The following HNRNPC variants were observed in gnomAD, a reference collection of about 807,000 sequenced individuals.
The protein encoded by HNRNPC is heterogeneous nuclear ribonucleoprotein C.
HNRNPC carries 3 observed loss-of-function variants against 33.2 expected under a neutral mutation model. The ratio of observed to expected loss-of-function variants is 0.09; its 90% CI spans 0.04 to 0.23. The LOEUF (loss-of-function observed/expected upper bound fraction) is 0.23, where lower values mean the gene tolerates loss of function less well. Ranked by LOEUF, HNRNPC falls within the 10% of genes least tolerant of loss-of-function variation. The probability of loss-of-function intolerance (pLI) is 1.00; values close to 1 mark genes in which losing one functional copy is unlikely to be tolerated. For missense variants in HNRNPC, 143 were observed against 366.7 expected, an observed-to-expected ratio of 0.39 and a Z score of 4.98; for synonymous variants, 121 against 126.7, an observed-to-expected ratio of 0.96 and a Z score of 0.30.
rs1282334121 is a variant in HNRNPC, at chr14:21,263,316, C to G, written c.-42G>C. ...AAAAAATTGGAATAACTTACTGTAG[C>G]TGAAGATCAAAAAAATCTCACTGTA... On this transcript the variant is annotated 5_prime_UTR_variant, in exon 2 of 9. Transcript: ENST00000553300. The G allele has an allele frequency of 6.6e-6, 1 of 152,368 alleles. No homozygotes were observed. Among genetic ancestry groups the G allele is most frequent in the Non-Finnish European group, 1.5e-5 (1 of 67,990 alleles). The allele number at this position is 152,368 out of a possible 1,614,324, so 9.4% of individuals were successfully genotyped here.
At chr14:21,256,010 A>G (rs1424462261) in intron 2 of HNRNPC, among the ~76,000 whole-genome samples, 1 of 152,218 alleles carries the variant, frequency 6.6e-6, no homozygotes, top group Non-Finnish European at 1.5e-5. Context: ...TACAGTTAAG[A>G]AGGCCAGTGT....
chr14:21,257,352 G>C (rs1202032300), intron 2 of HNRNPC, among the ~76,000 whole-genome samples: 1 of 151,160 alleles, frequency 6.6e-6, no homozygotes, highest in Non-Finnish European at 1.5e-5. Context: ...ACATGTAACA[G>C]AAACATGTAA....
At chr14:21,230,967 G>T in intron 4 of HNRNPC, 30 bp downstream of exon 4, 1 of 1,613,422 alleles carries the variant, frequency 6.2e-7, no homozygotes, top group Non-Finnish European at 8.5e-7. Flanking sequence ...CCTGAGTAGA[G>T]GGGACGGAGA....
chr14:21,218,880 G>C (rs748220120), intron 5 of HNRNPC, among the ~76,000 whole-genome samples: 3 of 151,780 alleles, frequency 2.0e-5, no homozygotes, highest in Admixed American at 2.0e-4. Flanking sequence ...GGGAGGCCGA[G>C]GAGGGCAGAT....
At chr14:21,220,444 G>A (rs550172145) in intron 5 of HNRNPC, among the ~76,000 whole-genome samples, 14 of 152,188 alleles carry the variant, frequency 9.2e-5, no homozygotes, top group South Asian at 6.2e-4. Flanking sequence ...AGCCAGGCTG[G>A]TCTTGAACTC....
chr14:21,261,153 A>C (rs1401098056), intron 2 of HNRNPC, among the ~76,000 whole-genome samples: 1 of 152,046 alleles, frequency 6.6e-6, no homozygotes, highest in Non-Finnish European at 1.5e-5. Flanking sequence ...GCATGCTTCT[A>C]TAGGATATGT....
At chr14:21,246,428 T>C (rs1173359778) in intron 2 of HNRNPC, among the ~76,000 whole-genome samples, 1 of 151,810 alleles carries the variant, frequency 6.6e-6, no homozygotes, top group Non-Finnish European at 1.5e-5. Context: ...TAGCCGGGCG[T>C]GTTGGCGGGT....
chr14:21,257,884 T>C (rs886617783), intron 2 of HNRNPC, among the ~76,000 whole-genome samples: 2 of 152,182 alleles, frequency 1.3e-5, no homozygotes, highest in Admixed American at 6.5e-5. Flanking sequence ...TAAAATGTGC[T>C]TGCTTCCCTA....
chr14:21,215,975 G>A (rs1244238251), intron 5 of HNRNPC, among the ~76,000 whole-genome samples: 1 of 151,240 alleles, frequency 6.6e-6, no homozygotes, highest in Non-Finnish European at 1.5e-5. Flanking sequence ...CACACCAGCT[G>A]GATGCAGTGG....
chr14:21,214,148 A>C (rs1039277051), intron 5 of HNRNPC, among the ~76,000 whole-genome samples: 4 of 152,212 alleles, frequency 2.6e-5, no homozygotes, highest in African/African-American at 9.6e-5. Flanking sequence ...AATGCAACTA[A>C]CTTAATGCAA....
intron 2 of HNRNPC, among the ~76,000 whole-genome samples, chr14:21,248,518 T>C (rs981743063): frequency 2.0e-5 from 3 of 152,162 alleles, no homozygotes; most frequent in Non-Finnish European, 4.4e-5. Context: ...CTGGAAAAGA[T>C]GGTAACTGGC....
At chr14:21,261,796 C>T (rs1362021013) in intron 2 of HNRNPC, among the ~76,000 whole-genome samples, 1 of 152,186 alleles carries the variant, frequency 6.6e-6, no homozygotes, top group Non-Finnish European at 1.5e-5. Flanking sequence ...ATCAGAGCAA[C>T]TCTAAAATGG....
chr14:21,215,332 A>G (rs777145077), intron 5 of HNRNPC, among the ~76,000 whole-genome samples: 1 of 152,212 alleles, frequency 6.6e-6, no homozygotes, highest in African/African-American at 2.4e-5. Context: ...AAAGGGATAT[A>G]TATTAAGAAG....
Position 21,209,562 on chromosome 14 carries a change from A to G in HNRNPC, c.*1661T>C, listed in dbSNP as rs763185883. 22 of 152,200 alleles carry G rather than the reference A, an allele frequency of 1.4e-4. No individual in the cohort carries two copies. Among genetic ancestry groups the G allele is most frequent in the Non-Finnish European group, 2.4e-4 (16 of 68,030 alleles). The allele number at this position is 152,200 out of a possible 1,614,324, so 9.4% of individuals were successfully genotyped here. A position where few individuals can be genotyped will look rare whatever the true frequency, so the allele number is the denominator to read the frequency against. ...AATTAACATACAAAAGAAATTGCCTATATCATGTATATGGGCTCCAAGGGT... is the reference window on the plus strand; with the variant it reads ...AATTAACATACAAAAGAAATTGCCTGTATCATGTATATGGGCTCCAAGGGT... On this transcript the variant is annotated 3_prime_UTR_variant, in exon 9 of 9. Transcript: ENST00000553300.
chr14:21,223,860 TCC>T (rs905503828), intron 5 of HNRNPC, among the ~76,000 whole-genome samples: 5 of 152,244 alleles, frequency 3.3e-5, no homozygotes, highest in African/African-American at 1.2e-4. Flanking sequence ...ATACACAGGT[TCC>T]CAAAAGAAAG....
intron 1 of HNRNPC, chr14:21,265,573 C>G (rs149873869): frequency 6.6e-6 from 1 of 152,132 alleles, no homozygotes; most frequent in African/African-American, 2.4e-5. Context: ...CTCTGGGAGG[C>G]TTGGGGCGGG....
At chr14:21,243,501 T>C (rs974127795) in intron 2 of HNRNPC, among the ~76,000 whole-genome samples, 1 of 152,224 alleles carries the variant, frequency 6.6e-6, no homozygotes, top group African/African-American at 2.4e-5. Flanking sequence ...TACACCAGAT[T>C]GCACACTTCA....
At chr14:21,251,207 G>A (rs1896620778) in intron 2 of HNRNPC, among the ~76,000 whole-genome samples, 1 of 128,312 alleles carries the variant, frequency 7.8e-6, no homozygotes, top group African/African-American at 3.0e-5. Context: ...CTTGCAGTGA[G>A]CCGAGATCGC....
intron 1 of HNRNPC, among the ~76,000 whole-genome samples, chr14:21,267,094 TCAA>T (rs1172939654): frequency 6.5e-5 from 1 of 15,360 alleles, no homozygotes; most frequent in African/African-American, 3.3e-4. Flanking sequence ...AGACTCCGTC[TCAA>T]AAAAAAAAAA....
Sources: gnomAD v4.1 joint callset for allele counts (sites outside exome capture counted in the v4.1 genomes callset) on GRCh38, gnomAD v4.1.1 for gene constraint, MANE v1.5 for transcripts, NCBI Gene and HGNC (gene_info 2026-07-23, HGNC 2026-07-21) for gene names.